GPX6: variants seen among roughly 807,000 people sequenced by gnomAD.
GPX6 encodes glutathione peroxidase 6 (olfactory).
GPX6 carries 21 observed loss-of-function variants against 20.0 expected under a neutral mutation model. The ratio of observed to expected loss-of-function variants is 1.05; its 90% CI spans 0.74 to 1.51. The LOEUF (loss-of-function observed/expected upper bound fraction) is 1.51, where lower values mean the gene tolerates loss of function less well. Ranked by LOEUF, GPX6 falls within the 40% of genes most tolerant of loss-of-function variation. The pLI is 0.00. For synonymous variants in GPX6, 75 were observed against 98.0 expected (o/e 0.77, Z 1.38); for missense variants, 233 against 254.7 (o/e 0.91, Z 0.58).
intron 1 of GPX6, among the ~76,000 whole-genome samples, chr6:28,512,767 C>T (rs1281381665): frequency 2.6e-5 from 4 of 152,196 alleles, no homozygotes; most frequent in Admixed American, 1.3e-4. Context: ...TACAGCTTCA[C>T]TCCTGAAGCC....
chr6:28,510,614 C>T, intron 2 of GPX6, 137 bp downstream of exon 2: 1 of 727,596 alleles, frequency 1.4e-6, no homozygotes, highest in Non-Finnish European at 2.2e-6. Flanking sequence ...AGAGCAGGAG[C>T]AGCATTTAGG....
intron 3 of GPX6, 112 bp downstream of exon 3, chr6:28,506,200 A>C: frequency 2.7e-6 from 2 of 734,850 alleles, no homozygotes; most frequent in Non-Finnish European, 5.0e-6. Flanking sequence ...ATATGCTTCA[A>C]CCCATGTATC....
At position 28,504,510 on chromosome 6, in the gene GPX6, A is replaced by T; in HGVS notation, c.460-12T>A. The T allele has an allele frequency of 6.2e-7, 1 of 1,610,532 alleles. No individual in the cohort carries two copies. Among genetic ancestry groups the T allele is most frequent in the Non-Finnish European group, 8.5e-7 (1 of 1,177,362 alleles). The stretch of plus-strand genomic sequence containing the variant: ...GGAGGGCAGGAGTTCTGGAGCAGAG[A>T]TATAGAAAGTAGAGATATACATTTA... On this transcript the variant is annotated splice_polypyrimidine_tract_variant and intron_variant, in intron 4 of 4. Transcript: ENST00000361902.
At chr6:28,506,733 ACACG>A (rs1231534466) in intron 2 of GPX6, among the ~76,000 whole-genome samples, 1 of 149,640 alleles carries the variant, frequency 6.7e-6, no homozygotes, top group East Asian at 2.0e-4. Flanking sequence ...ACACACACAC[ACACG>A]TTGGTAGCCT....
At chr6:28,514,359 AG>A (rs1762986264) in intron 1 of GPX6, among the ~76,000 whole-genome samples, 1 of 152,200 alleles carries the variant, frequency 6.6e-6, no homozygotes, top group African/African-American at 2.4e-5. Context: ...ATCTGTTTGA[AG>A]AAGACAGAAT....
At chr6:28,513,214 C>G (rs919176048) in intron 1 of GPX6, among the ~76,000 whole-genome samples, 2 of 152,164 alleles carry the variant, frequency 1.3e-5, no homozygotes, top group Non-Finnish European at 2.9e-5. Context: ...TCTCGTAAAC[C>G]AAGGCAAGAT....
chr6:28,506,011 C>G (rs34247095), intron 3 of GPX6, among the ~76,000 whole-genome samples: 1 of 152,140 alleles, frequency 6.6e-6, no homozygotes, highest in African/African-American at 2.4e-5. Flanking sequence ...AATTGGAAGG[C>G]AATATTTTGA....
At chr6:28,511,875 C>T (rs1282513317) in intron 1 of GPX6, among the ~76,000 whole-genome samples, 2 of 152,250 alleles carry the variant, frequency 1.3e-5, no homozygotes, top group Admixed American at 1.3e-4. Context: ...CTGCGCGTGG[C>T]ACTTGCGGGC....
chr6:28,515,574 G>T, intron 1 of GPX6, 83 bp downstream of exon 1: 1 of 951,768 alleles, frequency 1.1e-6, no homozygotes, highest in Non-Finnish European at 1.7e-6. Context: ...CGAAAGGGGA[G>T]AGTAGAGAAC....
chr6:28,513,179 C>G (rs1480399314), intron 1 of GPX6, among the ~76,000 whole-genome samples: 4 of 152,204 alleles, frequency 2.6e-5, no homozygotes, highest in Non-Finnish European at 2.9e-5. Context: ...CACTTATTCT[C>G]CATGCCCACG....
chr6:28,510,789 T>C lies in GPX6; in HGVS notation c.203A>G (p.Asn68Ser), dbSNP rs748797417. Residue 68 changes from asparagine (N) to serine (S), a missense_variant, in exon 2 of 5, where the codon AAT becomes AGT. By Grantham distance (46) the Asn-to-Ser change is conservative. Transcript: ENST00000361902. ...QFAGKHVLFV[N>S]VAAYUGLAAQ... ...TGCCAAGCCTCAATAGGCGGCCACA[T>C]TGACAAACAGGACGTGCTTGCCTGC... 1.7e-5 allele frequency: 28 copies of C among 1,614,108 alleles called. No individual in the cohort carries two copies. The highest frequency in any genetic ancestry group is 2.1e-5 in the Non-Finnish European group (25 of 1,180,000).
intron 1 of GPX6, among the ~76,000 whole-genome samples, chr6:28,511,273 A>G (rs775556813): frequency 1.3e-5 from 2 of 152,240 alleles, no homozygotes; most frequent in East Asian, 1.9e-4. Flanking sequence ...AGGATTTCTC[A>G]TAAGTAAGTT....
chr6:28,503,915 G>T lies in GPX6; in HGVS notation c.*377C>A. On this transcript the variant is annotated 3_prime_UTR_variant, in exon 5 of 5. Transcript: ENST00000361902. Reference sequence around the variant, plus strand: ...AACTTCTCGGGATTGCTTTTTTAGGGACACAGGATAGTCTGATTCATCTAC... The same window carrying T: ...AACTTCTCGGGATTGCTTTTTTAGGTACACAGGATAGTCTGATTCATCTAC... 5.6e-6 allele frequency: 1 copy of T among 179,460 alleles called. No individual in the cohort carries two copies. The highest frequency in any genetic ancestry group is 1.2e-5 in the Non-Finnish European group (1 of 85,568). The allele number at this position is 179,460 out of a possible 1,614,324, so 11.1% of individuals were successfully genotyped here. A position where few individuals can be genotyped will look rare whatever the true frequency, so the allele number is the denominator to read the frequency against.
intron 3 of GPX6, 95 bp downstream of exon 3, chr6:28,506,217 C>G (rs2113598001): frequency 1.3e-6 from 1 of 782,932 alleles, no homozygotes; most frequent in South Asian, 1.4e-5. Flanking sequence ...TATCTATGGC[C>G]TATCCCAGAA....
intron 1 of GPX6, among the ~76,000 whole-genome samples, chr6:28,512,319 CTG>C (rs1160111814): frequency 2.6e-5 from 4 of 152,254 alleles, no homozygotes; most frequent in Non-Finnish European, 4.4e-5. Flanking sequence ...AATCGGCACT[CTG>C]TATCTAGCTC....
At chr6:28,505,283 G>A (rs538889452) in intron 4 of GPX6, among the ~76,000 whole-genome samples, 1 of 152,240 alleles carries the variant, frequency 6.6e-6, no homozygotes, top group East Asian at 1.9e-4. Context: ...AGAGACCCTC[G>A]GGGGTCCTTC....
At chr6:28,510,197 G>A (rs1297971031) in intron 2 of GPX6, among the ~76,000 whole-genome samples, 4 of 152,146 alleles carry the variant, frequency 2.6e-5, no homozygotes, top group Non-Finnish European at 5.9e-5. Context: ...TGTCCAAATC[G>A]CAACAATGAC....
chr6:28,504,304 G>A lies in GPX6; in HGVS notation c.654C>T (p.Phe218=). 6.2e-7 allele frequency: 1 copy of A among 1,614,122 alleles called. No homozygotes were observed. The highest frequency in any genetic ancestry group is 8.5e-7 in the Non-Finnish European group (1 of 1,179,986). The change falls in exon 5 of 5, where the codon TTC becomes TTT. Residue 218 remains phenylalanine, a synonymous_variant. Transcript: ENST00000361902. ...KSDILEYLKQ[F]NTH ...TCGCTAGCCCTTCCTAGTGGGTATT[G>A]AACTGCTTTAGGTACTCCAGGATGT...
At chr6:28,512,452 T>C (rs1041274813) in intron 1 of GPX6, among the ~76,000 whole-genome samples, 3 of 152,172 alleles carry the variant, frequency 2.0e-5, no homozygotes, top group African/African-American at 7.2e-5. Context: ...GTGGACACTC[T>C]GTATCTAGCT....
Sources: gnomAD v4.1 joint callset for allele counts (sites outside exome capture counted in the v4.1 genomes callset) on GRCh38, gnomAD v4.1.1 for gene constraint, MANE v1.5 for transcripts, NCBI Gene and HGNC (gene_info 2026-07-23, HGNC 2026-07-21) for gene names.